ANO3: variants seen among roughly 807,000 people sequenced by gnomAD.
ANO3 encodes the protein anoctamin 3.
ANO3 carries 99 observed loss-of-function variants against 144.8 expected under a neutral mutation model. That is an observed-to-expected ratio of 0.68 (90% confidence interval 0.58 to 0.81). The LOEUF (loss-of-function observed/expected upper bound fraction) is 0.81, where lower values mean the gene tolerates loss of function less well. Among genes scored for constraint, ANO3 ranks in the 30% least tolerant of loss-of-function variants. The pLI is 0.00. For synonymous variants in ANO3, 414 were observed against 392.6 expected (o/e 1.05, Z -0.64); for missense variants, 905 against 1,202.2 (o/e 0.75, Z 3.66).
chr11:26,444,879 T>C (rs1337779825), intron 3 of ANO3, among the ~76,000 whole-genome samples: 1 of 152,198 alleles, frequency 6.6e-6, no homozygotes, highest in East Asian at 1.9e-4. Flanking sequence ...TATTAAGTTT[T>C]TTAATTAAAG....
rs1010395047 is a variant in ANO3 at position 26,397,650 on chromosome 11, G to C, written c.47-44268G>C. Among the ~76,000 whole-genome samples the C allele has an allele frequency of 4.6e-5, 7 of 152,106 alleles. No individual in the cohort carries two copies. In the East Asian group the frequency reaches 1.2e-3, roughly 25 times the overall value. On this transcript the variant is annotated intron_variant, in intron 1 of 26. Transcript: ENST00000256737. ...TATAATGTACAGTGATCAGATCAGG[G>C]TGATTGGCGTATTCATCTTCTCAAA...
intron 1 of ANO3, among the ~76,000 whole-genome samples, chr11:26,206,699 A>G (rs943036832): frequency 2.6e-4 from 39 of 152,194 alleles, no homozygotes; most frequent in Non-Finnish European, 3.7e-4. Flanking sequence ...ATTTATTCTC[A>G]TTTAGGGAAT....
chr11:26,192,607 T>C (rs1851499668), intron 1 of ANO3, among the ~76,000 whole-genome samples: 1 of 152,166 alleles, frequency 6.6e-6, no homozygotes, highest in Non-Finnish European at 1.5e-5. Flanking sequence ...ACAAAATATC[T>C]ATAAGGTAGT....
chr11:26,455,044 C>G (rs1374998513), intron 3 of ANO3, among the ~76,000 whole-genome samples: 1 of 151,732 alleles, frequency 6.6e-6, no homozygotes, highest in Admixed American at 6.6e-5. Flanking sequence ...TAAAAACTCT[C>G]AATAAATTAG....
At chr11:26,572,118 T>G in intron 14 of ANO3, 6 of 985,282 alleles carry the variant, frequency 6.1e-6, no homozygotes, top group Non-Finnish European at 6.0e-6. Flanking sequence ...TGTCGTGCAT[T>G]AGAGAAAACA....
chr11:26,640,588 C>T (rs1306692047), intron 21 of ANO3, among the ~76,000 whole-genome samples: 2 of 152,114 alleles, frequency 1.3e-5, no homozygotes, highest in Non-Finnish European at 2.9e-5. Context: ...GGGGTCATTG[C>T]AGTATAAAAA....
chr11:26,203,607 G>GTTGTT (rs1287181227), intron 1 of ANO3, among the ~76,000 whole-genome samples: 1 of 152,116 alleles, frequency 6.6e-6, no homozygotes, highest in African/African-American at 2.4e-5. Flanking sequence ...TCTAACAATG[G>GTTGTT]TTGTTTGTAC....
At chr11:26,258,620 T>C (rs1386713015) in intron 1 of ANO3, among the ~76,000 whole-genome samples, 1 of 152,202 alleles carries the variant, frequency 6.6e-6, no homozygotes, top group African/African-American at 2.4e-5. Context: ...ACTTATTCTC[T>C]GTTAAATTAT....
At chr11:26,416,285 G>A (rs534191659) in intron 1 of ANO3, among the ~76,000 whole-genome samples, 1 of 152,072 alleles carries the variant, frequency 6.6e-6, no homozygotes, top group South Asian at 2.1e-4. Flanking sequence ...TGTATTTGTT[G>A]TGTTAAGAAA....
At chr11:26,490,263 T>G (rs1454655016) in intron 4 of ANO3, among the ~76,000 whole-genome samples, 1 of 152,202 alleles carries the variant, frequency 6.6e-6, no homozygotes, top group Non-Finnish European at 1.5e-5. Flanking sequence ...GCCATGCCTT[T>G]TGCCTCCTGC....
At chr11:26,574,766 C>A (rs1039162640) in intron 14 of ANO3, among the ~76,000 whole-genome samples, 2 of 151,926 alleles carry the variant, frequency 1.3e-5, no homozygotes, top group Non-Finnish European at 2.9e-5. Flanking sequence ...TAATATGGTG[C>A]TATAATAAGA....
chr11:26,273,889 A>G (rs142587443), intron 1 of ANO3, among the ~76,000 whole-genome samples: 1 of 152,306 alleles, frequency 6.6e-6, no homozygotes, highest in East Asian at 1.9e-4. Context: ...AAAGCAAATC[A>G]TATATACTAT....
intron 3 of ANO3, among the ~76,000 whole-genome samples, chr11:26,448,688 A>AC (rs1858801636): frequency 6.6e-6 from 1 of 152,222 alleles, no homozygotes; most frequent in Admixed American, 6.5e-5. Context: ...TAAGCTACTT[A>AC]AGATTACAGA....
chr11:26,224,454 T>C (rs1194590245), intron 1 of ANO3, among the ~76,000 whole-genome samples: 2 of 152,244 alleles, frequency 1.3e-5, no homozygotes, highest in Non-Finnish European at 2.9e-5. Context: ...AGTTTCCCTA[T>C]TTGCCTTCCA....
intron 1 of ANO3, among the ~76,000 whole-genome samples, chr11:26,367,310 A>G (rs746629463): frequency 6.6e-6 from 1 of 152,162 alleles, no homozygotes; most frequent in African/African-American, 2.4e-5. Flanking sequence ...AAACTTCCAC[A>G]GATCCCTAGG....
chr11:26,315,138 A>G (rs1204555648), intron 1 of ANO3, among the ~76,000 whole-genome samples: 1 of 151,954 alleles, frequency 6.6e-6, no homozygotes, highest in Non-Finnish European at 1.5e-5. Flanking sequence ...ACATCTATGT[A>G]TGGCATTCAG....
chr11:26,544,251 C>CATATATATATATATATAT lies in ANO3; in HGVS notation c.1154+2189_1154+2206dup, dbSNP rs1554967685. ...TAAGGTTAAGTAGTATTTCATTATA[C>CATATATATATATATATAT]ATATATATATATATATATATATACA... On this transcript the variant is annotated intron_variant, in intron 11 of 26. Transcript: ENST00000256737. Among the ~76,000 whole-genome samples, 136 of 38,364 alleles carry CATATATATATATATATAT rather than the reference C, an allele frequency of 3.5e-3. 1 individual carries two copies. Among genetic ancestry groups the CATATATATATATATATAT allele is most frequent in the African/African-American group, 6.6e-3 (99 of 14,934 alleles). 25.2% of individuals were successfully genotyped at this position (38,364 alleles called of 152,430 possible).
intron 1 of ANO3, among the ~76,000 whole-genome samples, chr11:26,287,720 C>A (rs12287986): frequency 3.9e-5 from 6 of 152,178 alleles, no homozygotes; most frequent in African/African-American, 1.4e-4. Flanking sequence ...GATTATAAAT[C>A]CAGAGCCTTT....
At chr11:26,565,734 A>G (rs1187183977) in intron 14 of ANO3, 4 of 1,605,966 alleles carry the variant, frequency 2.5e-6, no homozygotes, top group Non-Finnish European at 2.6e-6. Flanking sequence ...TTTATTTTCC[A>G]TTGTTTTAAA....
Sources: allele counts gnomAD v4.1 joint callset (sites outside exome capture counted in the v4.1 genomes callset), GRCh38; gene constraint gnomAD v4.1.1; transcripts MANE v1.5; gene names NCBI Gene and HGNC (gene_info 2026-07-23, HGNC 2026-07-21).